The following MYL3 variants were observed in gnomAD, a reference collection of about 807,000 sequenced individuals.
The protein encoded by MYL3 is CMLC1.
MYL3 carries 11 observed loss-of-function variants against 21.3 expected under a neutral mutation model. That is an observed-to-expected ratio of 0.52 (90% confidence interval 0.32 to 0.85). The LOEUF (loss-of-function observed/expected upper bound fraction) is 0.85. Ranked by LOEUF, MYL3 falls within the 40% of genes least tolerant of loss-of-function variation. MYL3 has a pLI of 0.03. For synonymous variants in MYL3, 88 were observed against 91.6 expected, an observed-to-expected ratio of 0.96 and a Z score of 0.22; for missense variants, 206 against 253.3, an observed-to-expected ratio of 0.81 and a Z score of 1.27.
rs947785437 is a variant in MYL3, at chr3:46,860,625, G to T, written c.307+51C>A. ...CGCAGGATGGATGGCAGCCCACCCA[G>T]CCAGTCTCCCCGGTACTAACACTAT... On this transcript the variant is annotated intron_variant, in intron 3 of 6. Coordinates refer to ENST00000292327, the MANE Select transcript of MYL3 (RefSeq NM_000258.3). This position sits in a 1 kb window ranked among gnomAD's most constrained non-coding sequence, Gnocchi z 4.6. The T allele has an allele frequency of 8.1e-6, 13 of 1,605,438 alleles. No individual in the cohort carries two copies. The highest frequency in any genetic ancestry group is 6.7e-5 in the Admixed American group (4 of 59,918).
intron 1 of MYL3, among the ~76,000 whole-genome samples, chr3:46,862,668 G>T (rs893218871): frequency 6.6e-6 from 1 of 152,184 alleles, no homozygotes; most frequent in African/African-American, 2.4e-5. Context: ...GGCTCCTGGG[G>T]CCACTGGTCA....
chr3:46,861,747 G>A lies in MYL3; in HGVS notation c.130-760C>T, dbSNP rs993000507. 5.3e-5 allele frequency among the ~76,000 whole-genome samples: 8 copies of A among 152,210 alleles called. 1 individual carries two copies. The highest frequency in any genetic ancestry group is 9.6e-5 in the African/African-American group (4 of 41,530). On this transcript the variant is annotated intron_variant, in intron 1 of 6. Transcript: ENST00000292327. The surrounding 1 kb of genome is among the most constrained non-coding windows in gnomAD (Gnocchi z 4.2). The stretch of plus-strand genomic sequence containing the variant: ...GGGATCCAGTGTCCCCCTCCTCACC[G>A]GATACCAGGTCTATTTTTATCACTG...
intron 1 of MYL3, among the ~76,000 whole-genome samples, chr3:46,875,101 A>C (rs1401611106): frequency 6.6e-6 from 1 of 152,092 alleles, no homozygotes; most frequent in African/African-American, 2.4e-5. Flanking sequence ...AAGCTGGACA[A>C]GATTTGGACC....
At chr3:46,873,881 C>T (rs1474604641) in intron 1 of MYL3, among the ~76,000 whole-genome samples, 1 of 152,198 alleles carries the variant, frequency 6.6e-6, no homozygotes, top group Non-Finnish European at 1.5e-5. Flanking sequence ...TGGGCAGAGG[C>T]CTGACCTCAC....
At position 46,858,119 on chromosome 3, in the gene MYL3, G is replaced by A; in HGVS notation, c.*14-18C>T. The A allele has an allele frequency of 7.9e-7, 1 of 1,260,256 alleles. No individual in the cohort carries two copies. The highest frequency in any genetic ancestry group is 2.4e-4 in the Middle Eastern group (1 of 4,144). The allele number at this position is 1,260,256 out of a possible 1,614,324, so 78.1% of individuals were successfully genotyped here. ...TGGGCTTCCTGAGAGCAAAGGCAGT[G>A]CAGATTACAGAGGAGGAGGGAGACG... On this transcript the variant is annotated intron_variant, in intron 6 of 6. Transcript: ENST00000292327.
intron 1 of MYL3, among the ~76,000 whole-genome samples, chr3:46,873,079 G>A (rs754338865): frequency 6.6e-6 from 1 of 152,216 alleles, no homozygotes; most frequent in Admixed American, 6.5e-5. Context: ...TGGGACAGAG[G>A]CAGCAGCATA....
upstream of MYL3, among the ~76,000 whole-genome samples, chr3:46,863,751 T>G (rs1345944733): frequency 6.6e-6 from 1 of 152,172 alleles, no homozygotes; most frequent in Non-Finnish European, 1.5e-5. Context: ...AGGGCCCTGC[T>G]GCCTCTCTGC....
intron 1 of MYL3, among the ~76,000 whole-genome samples, chr3:46,862,718 C>T (rs976070573): frequency 3.3e-5 from 5 of 152,204 alleles, no homozygotes; most frequent in Admixed American, 3.3e-4. Context: ...TTCAGAATGT[C>T]CCCAGCCAGC....
At chr3:46,871,263 T>G (rs1321705504) in intron 1 of MYL3, among the ~76,000 whole-genome samples, 1 of 152,018 alleles carries the variant, frequency 6.6e-6, no homozygotes, top group Admixed American at 6.5e-5. Context: ...CGCATCTGTT[T>G]GTGTGTGAAC....
upstream of MYL3, among the ~76,000 whole-genome samples, chr3:46,867,372 G>A (rs1298260219): frequency 6.6e-6 from 1 of 152,224 alleles, no homozygotes; most frequent in Non-Finnish European, 1.5e-5. Context: ...GTGTGGACAA[G>A]GCCAGTGGGA....
chr3:46,875,729 A>T lies in MYL3; in HGVS notation c.-218+6345T>A, dbSNP rs2030171033. Reference sequence around the variant, plus strand: ...CCACCATCCCACTTATGCCTCACTCATGCCCCACCTGCTGCCCACAGCTCC... The same window carrying T: ...CCACCATCCCACTTATGCCTCACTCTTGCCCCACCTGCTGCCCACAGCTCC... On this transcript the variant is annotated intron_variant, in intron 1 of 3. Coordinates refer to the MYL3 transcript ENST00000431168. Among the ~76,000 whole-genome samples, 4 of 152,172 alleles carry T rather than the reference A, an allele frequency of 2.6e-5. No individual in the cohort carries two copies. In the South Asian group the frequency reaches 8.3e-4, roughly 32 times the overall value.
intron 1 of MYL3, among the ~76,000 whole-genome samples, chr3:46,872,874 C>A (rs72895886): frequency 0.016 from 2,368 of 152,346 alleles, 66 homozygotes; most frequent in African/African-American, 0.052. Flanking sequence ...ATGAAGGGAT[C>A]TGTCTCTGAT....
At chr3:46,873,156 G>T (rs909081096) in intron 1 of MYL3, among the ~76,000 whole-genome samples, 1 of 152,248 alleles carries the variant, frequency 6.6e-6, no homozygotes, top group South Asian at 2.1e-4. Context: ...GGAGTTGAAA[G>T]GTGCAGATCC....
intron 1 of MYL3, among the ~76,000 whole-genome samples, chr3:46,881,451 C>CG (rs34407581): frequency 6.6e-6 from 1 of 152,006 alleles, no homozygotes; most frequent in Non-Finnish European, 1.5e-5. Flanking sequence ...GGGGTGGGAA[C>CG]GGGGGAGGGA....
chr3:46,868,901 G>A (rs1702075773), intron 1 of MYL3, among the ~76,000 whole-genome samples: 1 of 152,240 alleles, frequency 6.6e-6, no homozygotes, highest in Non-Finnish European at 1.5e-5. Flanking sequence ...TGCATGAGAT[G>A]GAGTCTCGGG....
In MYL3 at chr3:46,861,110, G is replaced by T; in HGVS notation, c.130-123C>A. On this transcript the variant is annotated intron_variant, in intron 1 of 6. Coordinates refer to ENST00000292327, the MANE Select transcript of MYL3 (RefSeq NM_000258.3). This position sits in a 1 kb window ranked among gnomAD's most constrained non-coding sequence, Gnocchi z 4.2. ...CAGCCTGTCCCATTCCAGCATCCCAGCCTGCACCCCCAGGACCTCCTGCAG... is the reference window on the plus strand; with the variant it reads ...CAGCCTGTCCCATTCCAGCATCCCATCCTGCACCCCCAGGACCTCCTGCAG... 8.7e-7 allele frequency: 1 copy of T among 1,155,120 alleles called. No individual in the cohort carries two copies. The highest frequency in any genetic ancestry group is 1.3e-6 in the Non-Finnish European group (1 of 776,168). 71.6% of individuals were successfully genotyped at this position (1,155,120 alleles called of 1,614,324 possible). A position where few individuals can be genotyped will look rare whatever the true frequency, so the allele number is the denominator to read the frequency against.
In MYL3 at chr3:46,874,433, A is replaced by T. The variant is rs2030075505; in HGVS notation, c.-218+7641T>A. On this transcript the variant is annotated intron_variant, in intron 1 of 3. Coordinates refer to the MYL3 transcript ENST00000431168. This position sits in a 1 kb window ranked among gnomAD's most constrained non-coding sequence, Gnocchi z 4.1. ...GGCCTAACAGGGCAGGAGTGTCAGG[A>T]CTAGGGGTTCTCCACTCGAGGGCTC... is the stretch of plus-strand genomic sequence containing the variant. Among the ~76,000 whole-genome samples the T allele has an allele frequency of 1.3e-5, 2 of 152,100 alleles. No homozygotes were observed. The highest frequency in any genetic ancestry group is 2.9e-5 in the Non-Finnish European group (2 of 68,008).
intron 6 of MYL3, 30 bp downstream of exon 6, chr3:46,858,201 C>G (rs767793908): frequency 1.9e-6 from 3 of 1,613,036 alleles, no homozygotes; most frequent in Non-Finnish European, 2.5e-6. Context: ...CAGGTGGCAG[C>G]AGCGGGTTCA....
chr3:46,866,129 G>A (rs1039828501), upstream of MYL3, among the ~76,000 whole-genome samples: 1 of 151,716 alleles, frequency 6.6e-6, no homozygotes, highest in South Asian at 2.1e-4. Flanking sequence ...GAGGGAGGGT[G>A]GGCAGCAGTT....
Sources: allele counts gnomAD v4.1 joint callset (sites outside exome capture counted in the v4.1 genomes callset), GRCh38; gene constraint gnomAD v4.1.1; non-coding constraint Gnocchi (gnomAD v3.1); transcripts MANE v1.5; gene names NCBI Gene and HGNC (gene_info 2026-07-23, HGNC 2026-07-21).